Variants in LMNTD1 observed in about 807,000 individuals in gnomAD.
The protein encoded by LMNTD1 is lamin tail domain containing 1.
LMNTD1 carries 35 observed loss-of-function variants against 50.9 expected under a neutral mutation model. The observed-to-expected ratio is 0.69, with a 90% CI of 0.53 to 0.91. The LOEUF is 0.91. LMNTD1 is among the 40% of genes least tolerant of loss of function. The pLI is 0.00. For synonymous variants in LMNTD1, 153 were observed against 161.9 expected (o/e 0.94, Z 0.42); for missense variants, 470 against 475.5 (o/e 0.99, Z 0.11).
intron 1 of LMNTD1, among the ~76,000 whole-genome samples, chr12:25,639,356 T>C (rs1279617472): frequency 2.0e-5 from 3 of 152,062 alleles, no homozygotes; most frequent in Non-Finnish European, 2.9e-5. Context: ...CTACAAGGAA[T>C]ACCATCAAGA....
intron 9 of LMNTD1, among the ~76,000 whole-genome samples, chr12:25,489,320 T>G (rs1938797429): frequency 6.6e-6 from 1 of 150,596 alleles, no homozygotes; most frequent in Non-Finnish European, 1.5e-5. Context: ...GTGTGGGATA[T>G]AGTCTGGTGG....
Position 25,549,949 on chromosome 12 carries a change from C to A in LMNTD1, c.90-403G>T, listed in dbSNP as rs749261645. 8.8e-4 allele frequency among the ~76,000 whole-genome samples: 134 copies of A among 152,126 alleles called. 2 individuals carry two copies. The highest frequency in any genetic ancestry group is 2.5e-4 in the Non-Finnish European group (17 of 68,010). On this transcript the variant is annotated intron_variant, in intron 2 of 9. Coordinates refer to ENST00000458174, the MANE Select transcript of LMNTD1 (RefSeq NM_001145728.2). Reference sequence around the variant, plus strand: ...CTTTGATCACTTACCATTATTTTCCCTTTCCGTTATCATAAAATCATGATT... The same window carrying A: ...CTTTGATCACTTACCATTATTTTCCATTTCCGTTATCATAAAATCATGATT...
intron 6 of LMNTD1, among the ~76,000 whole-genome samples, chr12:25,523,422 A>G (rs1452135968): frequency 6.6e-6 from 1 of 152,202 alleles, no homozygotes; most frequent in African/African-American, 2.4e-5. Context: ...AACAGGTTCT[A>G]TTCTGATCTG....
At chr12:25,546,261 T>G in intron 4 of LMNTD1, 113 bp downstream of exon 4, 1 of 509,346 alleles carries the variant, frequency 2.0e-6, no homozygotes, top group Non-Finnish European at 3.3e-6. Flanking sequence ...AATGAACTGA[T>G]TAGTGTTTTA....
At chr12:25,530,883 G>T (rs1361031954) in intron 4 of LMNTD1, among the ~76,000 whole-genome samples, 4 of 152,106 alleles carry the variant, frequency 2.6e-5, no homozygotes, top group African/African-American at 4.8e-5. Context: ...AGGTTATTCA[G>T]GTGGAATTAA....
At chr12:25,593,989 T>A (rs979050818) in intron 1 of LMNTD1, among the ~76,000 whole-genome samples, 4 of 151,958 alleles carry the variant, frequency 2.6e-5, no homozygotes, top group African/African-American at 7.3e-5. Flanking sequence ...GAAGACAAGG[T>A]CTTTGAATTA....
At chr12:25,590,769 G>A (rs986195070) in intron 1 of LMNTD1, among the ~76,000 whole-genome samples, 1 of 152,178 alleles carries the variant, frequency 6.6e-6, no homozygotes, top group Admixed American at 6.5e-5. Context: ...GCACCAGTAA[G>A]AGTTGTGAGG....
At chr12:25,479,988 T>G (rs1352126993) in intron 9 of LMNTD1, among the ~76,000 whole-genome samples, 1 of 152,186 alleles carries the variant, frequency 6.6e-6, no homozygotes, top group Non-Finnish European at 1.5e-5. Context: ...ATGACAACTT[T>G]GTTCACAGGA....
intron 1 of LMNTD1, among the ~76,000 whole-genome samples, chr12:25,621,919 A>G (rs1365815845): frequency 6.6e-6 from 1 of 152,230 alleles, no homozygotes; most frequent in Non-Finnish European, 1.5e-5. Context: ...GATTGCCTCC[A>G]TAGTAAGAGG....
intron 9 of LMNTD1, among the ~76,000 whole-genome samples, chr12:25,490,098 A>G (rs760745775): frequency 3.3e-5 from 5 of 152,204 alleles, no homozygotes; most frequent in Admixed American, 6.5e-5. Flanking sequence ...GCTTTGGATA[A>G]GCCTGTAATG....
intron 9 of LMNTD1, among the ~76,000 whole-genome samples, chr12:25,478,874 A>G (rs1316823428): frequency 6.9e-6 from 1 of 144,960 alleles, no homozygotes; most frequent in Non-Finnish European, 1.6e-5. Flanking sequence ...TCAGCAGGTC[A>G]TGATTTTTTT....
chr12:25,495,407 G>T (rs1237834454), intron 9 of LMNTD1, among the ~76,000 whole-genome samples: 2 of 151,922 alleles, frequency 1.3e-5, no homozygotes, highest in Non-Finnish European at 2.9e-5. Context: ...TCCCTAAAAT[G>T]AATATTATTA....
At chr12:25,573,111 T>C (rs1354001448) in intron 1 of LMNTD1, among the ~76,000 whole-genome samples, 1 of 152,136 alleles carries the variant, frequency 6.6e-6, no homozygotes, top group African/African-American at 2.4e-5. Context: ...CCCGACCTCC[T>C]GTCTTTCTCC....
At chr12:25,613,151 A>G (rs1946283255) in intron 1 of LMNTD1, among the ~76,000 whole-genome samples, 1 of 152,194 alleles carries the variant, frequency 6.6e-6, no homozygotes, top group South Asian at 2.1e-4. Flanking sequence ...TGGACTTCTG[A>G]CATCCAAAAC....
At chr12:25,595,041 A>C (rs1156251726) in intron 1 of LMNTD1, among the ~76,000 whole-genome samples, 1 of 152,098 alleles carries the variant, frequency 6.6e-6, no homozygotes, top group Non-Finnish European at 1.5e-5. Flanking sequence ...CACAATCCTA[A>C]ATATATATAT....
intron 4 of LMNTD1, among the ~76,000 whole-genome samples, chr12:25,542,472 C>G (rs1011393156): frequency 1.4e-5 from 2 of 146,980 alleles, no homozygotes; most frequent in African/African-American, 5.0e-5. Flanking sequence ...ATCGCAAGAA[C>G]AAAAAACCAA....
At chr12:25,534,912 G>C (rs1339954956) in intron 4 of LMNTD1, among the ~76,000 whole-genome samples, 1 of 151,948 alleles carries the variant, frequency 6.6e-6, no homozygotes, top group Non-Finnish European at 1.5e-5. Context: ...GTGGGTCCCA[G>C]AACAAAACTC....
intron 1 of LMNTD1, among the ~76,000 whole-genome samples, chr12:25,603,198 C>A (rs1946016245): frequency 6.6e-6 from 1 of 152,030 alleles, no homozygotes; most frequent in Non-Finnish European, 1.5e-5. Context: ...AGAATATAAC[C>A]AGATGTACAA....
intron 8 of LMNTD1, among the ~76,000 whole-genome samples, chr12:25,514,559 CAAAA>C (rs36076563): frequency 6.9e-6 from 1 of 145,932 alleles, no homozygotes; most frequent in Admixed American, 6.9e-5. Flanking sequence ...TTAATGGATA[CAAAA>C]AAAAAAAAGA....
Sources: allele counts gnomAD v4.1 joint callset (sites outside exome capture counted in the v4.1 genomes callset), GRCh38; gene constraint gnomAD v4.1.1; transcripts MANE v1.5; gene names NCBI Gene and HGNC (gene_info 2026-07-23, HGNC 2026-07-21).